Variants in DIS3L2 observed in about 807,000 individuals in gnomAD.
DIS3L2 encodes the protein DIS3 like 3'-5' exoribonuclease 2.
Under a neutral mutation model 97.5 loss-of-function variants are expected in DIS3L2, and 34 were observed. The observed-to-expected ratio is 0.35, with a 90% CI of 0.27 to 0.46. The LOEUF is 0.46. DIS3L2 is among the 20% of genes least tolerant of loss of function. DIS3L2 has a pLI of 1.00. For missense variants in DIS3L2, 1,038 were observed against 1,146.0 expected (o/e 0.91, Z 1.36); for synonymous variants, 435 against 445.2 (o/e 0.98, Z 0.29).
intron 6 of DIS3L2, among the ~76,000 whole-genome samples, chr2:232,104,587 C>T (rs1004387890): frequency 5.3e-5 from 8 of 152,146 alleles, no homozygotes; most frequent in Admixed American, 2.6e-4. Flanking sequence ...CATTTCTCCC[C>T]CAACCCCTGA....
chr2:232,206,977 A>G (rs953199176), intron 9 of DIS3L2, among the ~76,000 whole-genome samples: 8 of 152,190 alleles, frequency 5.3e-5, no homozygotes, highest in Non-Finnish European at 1.0e-4. Flanking sequence ...AAAGTCTCAA[A>G]GCACCCAGAG....
chr2:232,082,444 A>G (rs971921412), intron 5 of DIS3L2, among the ~76,000 whole-genome samples: 1 of 152,164 alleles, frequency 6.6e-6, no homozygotes, highest in Admixed American at 6.5e-5. Flanking sequence ...TCAGATCAGC[A>G]GGGGCATTAG....
At chr2:232,220,243 A>AAC (rs1451545831) in intron 10 of DIS3L2, among the ~76,000 whole-genome samples, 10 of 152,116 alleles carry the variant, frequency 6.6e-5, no homozygotes, top group African/African-American at 2.2e-4. Context: ...TGGGGGTTCA[A>AAC]GCCTGCAGTG....
intron 5 of DIS3L2, among the ~76,000 whole-genome samples, chr2:232,086,634 T>TATATATAGGTGTATATATATATATACAC (rs1696642752): frequency 1.6e-5 from 1 of 63,792 alleles, no homozygotes; most frequent in African/African-American, 6.6e-5. Flanking sequence ...TATATACACA[T>TATATATAGGTGTATATATATATATACAC]ATATATATAT....
At chr2:232,013,235 G>C (rs770915054) in intron 1 of DIS3L2, among the ~76,000 whole-genome samples, 39 of 152,156 alleles carry the variant, frequency 2.6e-4, no homozygotes, top group Non-Finnish European at 5.1e-4. Context: ...TCTGCTGCTA[G>C]TATCTGTCAA....
downstream of DIS3L2, chr2:232,340,690 G>A (rs1696083558): frequency 6.4e-6 from 3 of 469,040 alleles, no homozygotes; most frequent in Admixed American, 2.3e-5. Context: ...ACCAGGGACT[G>A]GCAAAGCTCT....
intron 16 of DIS3L2, among the ~76,000 whole-genome samples, chr2:232,333,215 T>G (rs1188797131): frequency 1.8e-4 from 4 of 22,454 alleles, no homozygotes; most frequent in South Asian, 3.7e-3. Flanking sequence ...CTCCTCCTCC[T>G]CCTCCGCTGT....
intron 5 of DIS3L2, 65 bp downstream of exon 5, chr2:232,030,145 A>G (rs907929177): frequency 3.5e-6 from 5 of 1,410,462 alleles, no homozygotes; most frequent in Admixed American, 1.9e-5. Context: ...ATGGTGCACC[A>G]ACAAGGCATC....
intron 6 of DIS3L2, among the ~76,000 whole-genome samples, chr2:232,127,781 C>T (rs1158409493): frequency 6.6e-6 from 1 of 152,114 alleles, no homozygotes; most frequent in East Asian, 1.9e-4. Context: ...AACTTCCTGC[C>T]TTTACCCTTT....
intron 5 of DIS3L2, among the ~76,000 whole-genome samples, chr2:232,079,445 A>T (rs915277296): frequency 2.0e-5 from 3 of 151,580 alleles, no homozygotes; most frequent in Non-Finnish European, 4.4e-5. Context: ...AAATATAAAA[A>T]ATTAGCTGGG....
chr2:231,991,885 C>T (rs1005524489), intron 1 of DIS3L2, among the ~76,000 whole-genome samples: 4 of 152,150 alleles, frequency 2.6e-5, no homozygotes, highest in African/African-American at 9.7e-5. Context: ...TGTGTGCTAG[C>T]CCTTCCAGGA....
intron 12 of DIS3L2, among the ~76,000 whole-genome samples, chr2:232,250,349 A>G (rs1429392999): frequency 6.8e-6 from 1 of 147,356 alleles, no homozygotes; most frequent in Non-Finnish European, 1.5e-5. Flanking sequence ...TTTTTTTTTT[A>G]AAGACATAAA....
chr2:232,128,451 ATTTTTTTTTTTTT>A (rs10682281), intron 6 of DIS3L2, among the ~76,000 whole-genome samples: 70 of 71,702 alleles, frequency 9.8e-4, no homozygotes, highest in African/African-American at 3.4e-3. Flanking sequence ...AACTTTGCTA[ATTTTTTTTTTTTT>A]TTTTTTTTTT....
intron 3 of DIS3L2, among the ~76,000 whole-genome samples, chr2:232,018,720 G>A (rs1242877187): frequency 6.6e-6 from 1 of 151,732 alleles, no homozygotes; most frequent in African/African-American, 2.4e-5. Context: ...AAAAAAAACA[G>A]GAGTAGAGTA....
chr2:232,263,049 AT>A (rs1162069356), intron 12 of DIS3L2, among the ~76,000 whole-genome samples, 157 bp from the exon 13 acceptor site: 2 of 152,296 alleles, frequency 1.3e-5, no homozygotes, highest in East Asian at 3.9e-4. Context: ...TCCATCTCTG[AT>A]TCATCTGGGT....
intron 3 of DIS3L2, among the ~76,000 whole-genome samples, chr2:232,019,502 T>C (rs1694453246): frequency 1.3e-5 from 2 of 150,710 alleles, no homozygotes; most frequent in African/African-American, 4.9e-5. Flanking sequence ...AGGTAAGTCA[T>C]GATCATGCCA....
Position 232,254,065 on chromosome 2 carries a change from T to C in DIS3L2, c.1425+4719T>C, listed in dbSNP as rs555324161. Among the ~76,000 whole-genome samples the C allele has an allele frequency of 1.8e-3, 271 of 152,308 alleles. 3 individuals carry two copies. Among genetic ancestry groups the C allele is most frequent in the Non-Finnish European group, 3.1e-3 (208 of 68,026 alleles). On this transcript the variant is annotated intron_variant, in intron 12 of 20. Coordinates refer to ENST00000325385, the MANE Select transcript of DIS3L2 (RefSeq NM_152383.5). ...ATTTTAGTATGAAGCTGAAAAAATT[T>C]TGGACATTTTCTTATATACCACAGT...
chr2:232,013,438 C>T (rs1694267318), intron 1 of DIS3L2, among the ~76,000 whole-genome samples: 1 of 152,204 alleles, frequency 6.6e-6, no homozygotes, highest in African/African-American at 2.4e-5. Flanking sequence ...GGACTCTATC[C>T]AAATGGAATT....
intron 13 of DIS3L2, among the ~76,000 whole-genome samples, chr2:232,286,632 G>A (rs749296223): frequency 4.6e-5 from 7 of 152,140 alleles, no homozygotes; most frequent in African/African-American, 7.2e-5. Context: ...TTGAGTTTCC[G>A]CTATAGCTAG....
Sources: allele counts gnomAD v4.1 joint callset (sites outside exome capture counted in the v4.1 genomes callset), GRCh38; gene constraint gnomAD v4.1.1; transcripts MANE v1.5; gene names NCBI Gene and HGNC (gene_info 2026-07-23, HGNC 2026-07-21).